The following RGS6 variants were observed in gnomAD, a reference collection of about 807,000 sequenced individuals.
RGS6 encodes regulator of G-protein signaling 6.
RGS6 carries 30 observed loss-of-function variants against 78.5 expected under a neutral mutation model. The observed-to-expected ratio is 0.38, with a 90% CI of 0.29 to 0.52. The LOEUF (loss-of-function observed/expected upper bound fraction) is 0.52, where lower values mean the gene tolerates loss of function less well. Ranked by LOEUF, RGS6 falls within the 20% of genes least tolerant of loss-of-function variation. The pLI, the probability that RGS6 is intolerant of heterozygous loss-of-function variation, is 0.85. For missense variants in RGS6, 495 were observed against 609.7 expected (o/e 0.81, Z 1.98); for synonymous variants, 206 against 206.0 (o/e 1.00, Z 0.00).
intron 2 of RGS6, among the ~76,000 whole-genome samples, chr14:72,071,836 T>A (rs1426266498): frequency 6.6e-6 from 1 of 152,238 alleles, no homozygotes. Context: ...TAGAATTAAA[T>A]GTTTTCACGA....
intron 4 of RGS6, among the ~76,000 whole-genome samples, chr14:72,456,967 C>T (rs887022444): frequency 1.3e-5 from 2 of 151,340 alleles, no homozygotes; most frequent in African/African-American, 4.9e-5. Flanking sequence ...GCCTGTGGTT[C>T]CAGCTACTTG....
chr14:72,445,265 C>T (rs1052971122), intron 3 of RGS6, among the ~76,000 whole-genome samples: 11 of 152,216 alleles, frequency 7.2e-5, no homozygotes, highest in Admixed American at 2.6e-4. Flanking sequence ...AGTCGGCTTA[C>T]TACAACCTCC....
In RGS6 at chr14:72,554,209, C is replaced by A. The variant is rs1242035049; in HGVS notation, c.1423-8208C>A. ...GGGATGAGAGGTCAGCAATTCTAGG[C>A]TCCGCCTTTTCAGCTGGCTAAACCA... On this transcript the variant is annotated intron_variant, in intron 17 of 17. Coordinates refer to ENST00000553525, the MANE Select transcript of RGS6 (RefSeq NM_001204424.2). Among the ~76,000 whole-genome samples the A allele has an allele frequency of 1.2e-4, 19 of 152,358 alleles. 1 individual carries two copies. The East Asian group carries it at 2.5e-3, about 20-fold the overall frequency.
At chr14:72,393,425 C>T (rs766998345) in intron 3 of RGS6, among the ~76,000 whole-genome samples, 18 of 152,304 alleles carry the variant, frequency 1.2e-4, no homozygotes, top group Non-Finnish European at 1.8e-4. Context: ...CAGTTAGTAA[C>T]GCATCCCAGG....
At chr14:72,436,983 T>A (rs1216110797) in intron 3 of RGS6, among the ~76,000 whole-genome samples, 1 of 152,030 alleles carries the variant, frequency 6.6e-6, no homozygotes, top group East Asian at 1.9e-4. Flanking sequence ...AGAAATGCCT[T>A]TGTGGTTTCA....
chr14:71,874,165 C>T, the RGS6 span, among the ~76,000 whole-genome samples: 3 of 151,970 alleles, frequency 2.0e-5, no homozygotes, highest in Admixed American at 1.3e-4. Flanking sequence ...GTAGTTTTTT[C>T]CAATTCTGTG....
chr14:72,192,544 G>GA (rs922715005), intron 2 of RGS6, among the ~76,000 whole-genome samples: 26 of 152,158 alleles, frequency 1.7e-4, no homozygotes, highest in Admixed American at 1.5e-3. Flanking sequence ...TCACTTTCCA[G>GA]AAAAAGGACA....
chr14:72,271,091 G>A (rs1242807122), intron 2 of RGS6, among the ~76,000 whole-genome samples: 3 of 152,196 alleles, frequency 2.0e-5, no homozygotes, highest in Non-Finnish European at 4.4e-5. Context: ...AGAGGCCAGA[G>A]GAAGGAGAGA....
intron 2 of RGS6, among the ~76,000 whole-genome samples, chr14:72,281,909 A>G (rs1175537783): frequency 6.6e-6 from 1 of 152,184 alleles, no homozygotes; most frequent in Non-Finnish European, 1.5e-5. Flanking sequence ...AATATATAAG[A>G]CACAAGGTAT....
At chr14:72,540,219 C>A in intron 17 of RGS6, 125 bp downstream of exon 17, 1 of 1,510,056 alleles carries the variant, frequency 6.6e-7, no homozygotes, top group Non-Finnish European at 8.9e-7. Flanking sequence ...CCAGTGCTTT[C>A]TCCCTCGACT....
At chr14:72,287,183 AATTT>A (rs1414742366) in intron 2 of RGS6, among the ~76,000 whole-genome samples, 3 of 152,182 alleles carry the variant, frequency 2.0e-5, no homozygotes, top group Non-Finnish European at 4.4e-5. Flanking sequence ...TATTTCACTG[AATTT>A]ATTTATTAGT....
At chr14:72,455,570 C>G (rs1307178673) in intron 4 of RGS6, among the ~76,000 whole-genome samples, 1 of 152,012 alleles carries the variant, frequency 6.6e-6, no homozygotes, top group Non-Finnish European at 1.5e-5. Flanking sequence ...CTCTGAGTGC[C>G]AGAAAAGCAG....
At chr14:72,382,770 T>G (rs1008685401) in intron 3 of RGS6, among the ~76,000 whole-genome samples, 1 of 152,180 alleles carries the variant, frequency 6.6e-6, no homozygotes, top group Admixed American at 6.6e-5. Flanking sequence ...GCTATAGGCT[T>G]TAACAAGGAT....
chr14:72,285,896 A>G (rs1316410553), intron 2 of RGS6, among the ~76,000 whole-genome samples: 1 of 152,174 alleles, frequency 6.6e-6, no homozygotes, highest in East Asian at 1.9e-4. Flanking sequence ...GGAGTTCCTT[A>G]TATCTCTTAG....
the RGS6 span, among the ~76,000 whole-genome samples, chr14:72,626,166 T>C: frequency 6.6e-6 from 1 of 152,202 alleles, no homozygotes; most frequent in African/African-American, 2.4e-5. Context: ...TTTAAGTATT[T>C]ATCTATTTGG....
At chr14:72,282,437 A>G (rs2061737767) in intron 2 of RGS6, among the ~76,000 whole-genome samples, 1 of 152,186 alleles carries the variant, frequency 6.6e-6, no homozygotes, top group African/African-American at 2.4e-5. Flanking sequence ...ACAGAGTTGC[A>G]GTTTCCAAGT....
chr14:72,279,091 T>C (rs1231026218), intron 2 of RGS6, among the ~76,000 whole-genome samples: 1 of 152,036 alleles, frequency 6.6e-6, no homozygotes, highest in Non-Finnish European at 1.5e-5. Flanking sequence ...GACAGTTATA[T>C]TGGGATTGGG....
At chr14:72,446,619 A>G (rs1305759558) in intron 3 of RGS6, among the ~76,000 whole-genome samples, 2 of 152,194 alleles carry the variant, frequency 1.3e-5, no homozygotes, top group Non-Finnish European at 2.9e-5. Flanking sequence ...AGTGCATTAC[A>G]TTTATTGTGT....
intron 2 of RGS6, among the ~76,000 whole-genome samples, chr14:71,967,429 C>G (rs34857449): frequency 0.059 from 8,901 of 152,102 alleles, 848 homozygotes; most frequent in African/African-American, 0.2. Context: ...TGGCTACAAC[C>G]AAGAACTTAC....
Sources: allele counts gnomAD v4.1 joint callset (sites outside exome capture counted in the v4.1 genomes callset), GRCh38; gene constraint gnomAD v4.1.1; transcripts MANE v1.5; gene names NCBI Gene and HGNC (gene_info 2026-07-23, HGNC 2026-07-21).